Variants in DAOA observed in about 807,000 individuals in gnomAD.
DAOA encodes the protein D-amino acid oxidase regulator.
A neutral mutation model predicts 16.4 loss-of-function variants in DAOA; 15 were observed. That is an observed-to-expected ratio of 0.91 (90% confidence interval 0.61 to 1.41). The LOEUF (loss-of-function observed/expected upper bound fraction) is 1.41, where lower values mean the gene tolerates loss of function less well. DAOA is among the 40% of genes most tolerant of loss of function. DAOA has a pLI of 0.00. For missense variants in DAOA, 230 were observed against 176.8 expected (o/e 1.30, Z -1.71); for synonymous variants, 75 against 59.1 (o/e 1.27, Z -1.23).
intron 4 of DAOA, among the ~76,000 whole-genome samples, chr13:105,477,371 A>T (rs9514388): frequency 0.36 from 54,686 of 152,108 alleles, 9,975 homozygotes; most frequent in African/African-American, 0.4. Flanking sequence ...ACATACCTAA[A>T]ACATATTGGT....
chr13:105,487,299 T>A (rs1429971482), intron 4 of DAOA, among the ~76,000 whole-genome samples: 1 of 152,168 alleles, frequency 6.6e-6, no homozygotes, highest in Non-Finnish European at 1.5e-5. Context: ...CTTTTGCTGT[T>A]GTTCTGTACT....
chr13:105,486,099 A>G (rs1878086037), intron 4 of DAOA, among the ~76,000 whole-genome samples: 1 of 152,150 alleles, frequency 6.6e-6, no homozygotes, highest in Admixed American at 6.5e-5. Flanking sequence ...TGATCTTGTA[A>G]AAAAGCAAAT....
At chr13:105,469,500 C>A (rs1258953318) in intron 3 of DAOA, among the ~76,000 whole-genome samples, 1 of 152,134 alleles carries the variant, frequency 6.6e-6, no homozygotes. Flanking sequence ...TTAAACATTT[C>A]TGACACATAG....
At chr13:105,482,017 T>C (rs1057374203) in intron 4 of DAOA, among the ~76,000 whole-genome samples, 3 of 152,290 alleles carry the variant, frequency 2.0e-5, no homozygotes, top group Admixed American at 6.5e-5. Context: ...AAGGGACTTA[T>C]ATGGCAGCAG....
At chr13:105,476,162 G>A (rs965193488) in intron 4 of DAOA, among the ~76,000 whole-genome samples, 4 of 151,766 alleles carry the variant, frequency 2.6e-5, no homozygotes, top group Non-Finnish European at 4.4e-5. Context: ...TTTAACTCAC[G>A]ATGTGGGAAA....
chr13:105,471,102 C>T (rs1211117923), intron 3 of DAOA, among the ~76,000 whole-genome samples: 3 of 151,638 alleles, frequency 2.0e-5, no homozygotes, highest in Non-Finnish European at 2.9e-5. Flanking sequence ...TTTTTGTATT[C>T]TTAGTAGAGA....
chr13:105,467,226 A>G (rs1296820821), intron 3 of DAOA, 85 bp downstream of exon 3: 5 of 1,376,944 alleles, frequency 3.6e-6, no homozygotes, highest in Middle Eastern at 5.0e-4. Context: ...TACTTTTGAC[A>G]TATTTTCAAG....
At chr13:105,482,822 A>C (rs754687814) in intron 4 of DAOA, among the ~76,000 whole-genome samples, 1 of 152,046 alleles carries the variant, frequency 6.6e-6, no homozygotes, top group African/African-American at 2.4e-5. Context: ...TAAGAGTTCA[A>C]ATGAAATTGT....
At chr13:105,468,767 A>T (rs968842686) in intron 3 of DAOA, among the ~76,000 whole-genome samples, 3 of 152,242 alleles carry the variant, frequency 2.0e-5, no homozygotes, top group African/African-American at 7.2e-5. Context: ...TTGTCTTCTA[A>T]TGATGGCCAT....
At chr13:105,467,941 T>G (rs1184805277) in intron 3 of DAOA, among the ~76,000 whole-genome samples, 1 of 152,204 alleles carries the variant, frequency 6.6e-6, no homozygotes, top group Non-Finnish European at 1.5e-5. Flanking sequence ...ACATCTTACC[T>G]GGCTAAAAGC....
intron 4 of DAOA, chr13:105,477,096 G>A (rs985324431): frequency 5.9e-5 from 9 of 152,122 alleles, no homozygotes; most frequent in African/African-American, 2.2e-4. Flanking sequence ...TAACCTGGTG[G>A]CTTACATCTT....
At chr13:105,488,242 A>C (rs1006692478) in intron 4 of DAOA, among the ~76,000 whole-genome samples, 12 of 152,214 alleles carry the variant, frequency 7.9e-5, no homozygotes, top group African/African-American at 2.9e-4. Flanking sequence ...TCTTGTCAGC[A>C]TTGATTAACA....
chr13:105,481,942 A>C (rs1877774552), intron 4 of DAOA, among the ~76,000 whole-genome samples: 1 of 152,200 alleles, frequency 6.6e-6, no homozygotes, highest in Non-Finnish European at 1.5e-5. Flanking sequence ...AAGAGGTTTA[A>C]TTGACTCACA....
intron 4 of DAOA, among the ~76,000 whole-genome samples, chr13:105,478,603 A>G (rs7986339): frequency 0.63 from 96,050 of 152,094 alleles, 31,218 homozygotes; most frequent in East Asian, 0.78. Flanking sequence ...CATTTAGACT[A>G]GAACCTTCTC....
At chr13:105,479,533 A>G (rs9586862) in intron 4 of DAOA, among the ~76,000 whole-genome samples, 13,167 of 152,196 alleles carry the variant, frequency 0.087, 869 homozygotes, top group African/African-American at 0.18. Flanking sequence ...CGACTTCCTG[A>G]TGGTGGCCGG....
intron 4 of DAOA, among the ~76,000 whole-genome samples, chr13:105,481,602 T>G (rs1594115006): frequency 2.0e-5 from 3 of 152,108 alleles, no homozygotes; most frequent in Non-Finnish European, 1.5e-5. Context: ...TATCCCACCC[T>G]TAGGATCCAG....
chr13:105,487,603 A>T (rs1285162992), intron 4 of DAOA, among the ~76,000 whole-genome samples: 1 of 147,308 alleles, frequency 6.8e-6, no homozygotes, highest in Non-Finnish European at 1.5e-5. Flanking sequence ...AAAAAAAAAA[A>T]CGGTTTGCAA....
chr13:105,482,426 G>A (rs2139194948), intron 4 of DAOA, among the ~76,000 whole-genome samples: 1 of 151,264 alleles, frequency 6.6e-6, no homozygotes, highest in East Asian at 1.9e-4. Context: ...TTCCGTGGGA[G>A]CTCTCATTTC....
chr13:105,470,886 G>A (rs1446210305), intron 3 of DAOA, among the ~76,000 whole-genome samples: 4 of 152,146 alleles, frequency 2.6e-5, no homozygotes, highest in African/African-American at 7.2e-5. Flanking sequence ...CGCCTCCCGG[G>A]TTCATGCCAT....
Sources: gnomAD v4.1 joint callset for allele counts (sites outside exome capture counted in the v4.1 genomes callset) on GRCh38, gnomAD v4.1.1 for gene constraint, MANE v1.5 for transcripts, NCBI Gene and HGNC (gene_info 2026-07-23, HGNC 2026-07-21) for gene names.